MRC2: variants seen among roughly 807,000 people sequenced by gnomAD.
MRC2 encodes the protein C-type mannose receptor 2.
Under a neutral mutation model 206.2 loss-of-function variants are expected in MRC2, and 84 were observed. The ratio of observed to expected loss-of-function variants is 0.41; its 90% CI spans 0.34 to 0.49. MRC2 has a LOEUF of 0.49. Among genes scored for constraint, MRC2 ranks in the 20% least tolerant of loss-of-function variants. The pLI is 0.31. For synonymous variants in MRC2, 798 were observed against 800.0 expected (o/e 1.00, Z 0.04); for missense variants, 1,676 against 2,001.5 (o/e 0.84, Z 3.10).
In MRC2 at chr17:62,692,081, T is replaced by C. The variant is rs1299652409; in HGVS notation, c.4193-31T>C. On this transcript the variant is annotated intron_variant, in intron 28 of 29. Transcript: ENST00000303375. This position sits in a 1 kb window ranked among gnomAD's most constrained non-coding sequence, Gnocchi z 4.2. Reference sequence around the variant, plus strand: ...GTGATTATTACGATGATCACTGCTATTATTAACTGGCCCCCTCCTCTTGCC... The same window carrying C: ...GTGATTATTACGATGATCACTGCTACTATTAACTGGCCCCCTCCTCTTGCC... The C allele has an allele frequency of 6.2e-7, 1 of 1,614,180 alleles. No individual in the cohort carries two copies. The highest frequency in any genetic ancestry group is 8.5e-7 in the Non-Finnish European group (1 of 1,180,018).
Position 62,666,576 on chromosome 17 carries a change from T to G in MRC2, c.816T>G (p.Asp272Glu). The G allele has an allele frequency of 6.2e-7, 1 of 1,609,448 alleles. No homozygotes were observed. The highest frequency in any genetic ancestry group is 1.1e-5 in the South Asian group (1 of 90,330). The change falls in exon 4 of 30, where the codon GAT becomes GAG. Residue 272 changes from aspartate (D) to glutamate (E), a missense_variant. This residue lies in a region of MRC2 where 1,354 missense variants were observed against 1,636.6 expected (regional missense o/e 0.83). Coordinates refer to ENST00000303375, the MANE Select transcript of MRC2 (RefSeq NM_006039.5). This position sits in a 1 kb window ranked among gnomAD's most constrained non-coding sequence, Gnocchi z 5.0. Reference protein sequence around the residue: ...AWASCEQQGADLLSITEIHEQ... With the variant: ...AWASCEQQGAELLSITEIHEQ... ...CCAGCTGCGAGCAGCAGGGTGCGGA[T>G]CTGCTGAGCATCACGGAGATCCACG...
chr17:62,636,925 ACT>A (rs2088328650), intron 1 of MRC2, among the ~76,000 whole-genome samples: 3 of 148,896 alleles, frequency 2.0e-5, no homozygotes, highest in South Asian at 2.1e-4. Context: ...ACTTTTGAAA[ACT>A]CTCTTCCCCC....
At chr17:62,686,989 G>A (rs2089039886) in intron 20 of MRC2, among the ~76,000 whole-genome samples, 1 of 152,158 alleles carries the variant, frequency 6.6e-6, no homozygotes, top group Non-Finnish European at 1.5e-5. Context: ...TGCCTACTGT[G>A]TCATGTACTG....
rs10640837 is a variant in MRC2, at chr17:62,672,991, C to CAA, written c.1461+851_1461+852dup. 0.05 allele frequency among the ~76,000 whole-genome samples: 7,100 copies of CAA among 143,334 alleles called. 522 individuals are homozygous for CAA. Among genetic ancestry groups the CAA allele is most frequent in the African/African-American group, 0.16 (6,311 of 38,380 alleles). The allele number at this position is 143,334 out of a possible 152,430, so 94.0% of individuals were successfully genotyped here. A position where few individuals can be genotyped will look rare whatever the true frequency, so the allele number is the denominator to read the frequency against. Reference sequence around the variant, plus strand: ...TGGGTGACAGAGCAAGACCCTGTCTCAAAAAAAAAAAAATAAAATAAAAAG... The same window carrying CAA: ...TGGGTGACAGAGCAAGACCCTGTCTCAAAAAAAAAAAAAAATAAAATAAAAAG... On this transcript the variant is annotated intron_variant, in intron 8 of 29. Coordinates refer to ENST00000303375, the MANE Select transcript of MRC2 (RefSeq NM_006039.5). This position sits in a 1 kb window ranked among gnomAD's most constrained non-coding sequence, Gnocchi z 4.5.
chr17:62,666,682 T>C lies in MRC2; in HGVS notation c.859+63T>C, dbSNP rs527564493. 14 of 1,554,728 alleles carry C rather than the reference T, an allele frequency of 9.0e-6. No individual in the cohort carries two copies. Among genetic ancestry groups the C allele is most frequent in the South Asian group, 3.6e-5 (3 of 83,728 alleles). ...GGCCCGGGCCCTTTCCGCTTGTGGGTTGGGGAGAGGGCGATGGGGAGCGGG... is the reference window on the plus strand; with the variant it reads ...GGCCCGGGCCCTTTCCGCTTGTGGGCTGGGGAGAGGGCGATGGGGAGCGGG... On this transcript the variant is annotated intron_variant, in intron 4 of 29. Transcript: ENST00000303375. The surrounding 1 kb of genome is among the most constrained non-coding windows in gnomAD (Gnocchi z 5.0).
intron 1 of MRC2, among the ~76,000 whole-genome samples, chr17:62,635,141 T>G (rs918508001): frequency 6.6e-6 from 1 of 151,878 alleles, no homozygotes; most frequent in African/African-American, 2.4e-5. Flanking sequence ...CCATTGTTTT[T>G]TTTTTAAATT....
intron 20 of MRC2, chr17:62,683,874 A>T (rs1268218429): frequency 1.3e-5 from 2 of 152,124 alleles, no homozygotes; most frequent in Non-Finnish European, 2.9e-5. Context: ...CCAAAAAAAA[A>T]AAAGATCAAT....
chr17:62,629,008 C>T (rs2084194181), intron 1 of MRC2, among the ~76,000 whole-genome samples: 1 of 152,186 alleles, frequency 6.6e-6, no homozygotes, highest in South Asian at 2.1e-4. Flanking sequence ...GTGACGTAGG[C>T]ACAAGACACA....
chr17:62,687,636 A>G (rs1459288784), intron 20 of MRC2, among the ~76,000 whole-genome samples: 1 of 152,250 alleles, frequency 6.6e-6, no homozygotes, highest in African/African-American at 2.4e-5. Context: ...AAAATTACAG[A>G]GTTAGAAGCT....
chr17:62,660,826 C>T (rs2088671048), intron 1 of MRC2, among the ~76,000 whole-genome samples: 2 of 152,038 alleles, frequency 1.3e-5, no homozygotes, highest in South Asian at 4.1e-4. Flanking sequence ...CAATGTCCAG[C>T]ATATAATAAA....
Position 62,690,956 on chromosome 17 carries a change from T to C in MRC2, c.4020T>C (p.Thr1340=). The C allele has an allele frequency of 6.2e-7, 1 of 1,600,924 alleles. No homozygotes were observed. Among genetic ancestry groups the C allele is most frequent in the Admixed American group, 1.7e-5 (1 of 57,426 alleles). The change falls in exon 28 of 30, where the codon ACT becomes ACC. Residue 1340 remains threonine (T), a synonymous_variant. Transcript: ENST00000303375. Reference sequence around the variant, plus strand: ...GTGCCTTCTTTCCTGCAGGAGGCACTCTGGTCTGGCAGGACAACACAGCTG... The same window carrying C: ...GTGCCTTCTTTCCTGCAGGAGGCACCCTGGTCTGGCAGGACAACACAGCTG... ...LGMNFNPKGG[T]LVWQDNTAVN...
Position 62,666,773 on chromosome 17 carries a change from CA to C in MRC2, c.877del (p.Ser293AlafsTer8). On this transcript the variant is annotated frameshift_variant, in exon 5 of 30. Coordinates refer to ENST00000303375, the MANE Select transcript of MRC2 (RefSeq NM_006039.5). LOFTEE classifies it high-confidence loss of function. The surrounding 1 kb of genome is among the most constrained non-coding windows in gnomAD (Gnocchi z 5.0). ...TGCTGTCAGGCCTCCTCACTGGGTACAGCTCCACCCTGTGGATCGGCTTGAA... is the reference window on the plus strand; with the variant it reads ...TGCTGTCAGGCCTCCTCACTGGGTACGCTCCACCCTGTGGATCGGCTTGAA... ...TYINGLLTGY[S>X]STLWIGLNDL... 2 of 1,613,768 alleles carry C rather than the reference CA, an allele frequency of 1.2e-6. No individual in the cohort carries two copies. The highest frequency in any genetic ancestry group is 1.7e-6 in the Non-Finnish European group (2 of 1,179,918).
At position 62,664,428 on chromosome 17, in the gene MRC2, A is replaced by G. The variant is rs1292527023; in HGVS notation, c.119-120A>G. Reference sequence around the variant, plus strand: ...TAGTGAGTACCGAGTGATTTAACGTATGAGTGACGGCTCACCATCCTGCAC... The same window carrying G: ...TAGTGAGTACCGAGTGATTTAACGTGTGAGTGACGGCTCACCATCCTGCAC... On this transcript the variant is annotated intron_variant, in intron 1 of 29. Transcript: ENST00000303375. The surrounding 1 kb of genome is among the most constrained non-coding windows in gnomAD (Gnocchi z 4.7). 9.7e-6 allele frequency: 11 copies of G among 1,134,564 alleles called. No homozygotes were observed. Among genetic ancestry groups the G allele is most frequent in the Non-Finnish European group, 6.3e-6 (5 of 795,094 alleles). The allele number at this position is 1,134,564 out of a possible 1,614,324, so 70.3% of individuals were successfully genotyped here. A position where few individuals can be genotyped will look rare whatever the true frequency, so the allele number is the denominator to read the frequency against.
chr17:62,675,935 C>G lies in MRC2; in HGVS notation c.1685+30C>G. On this transcript the variant is annotated intron_variant, in intron 10 of 29. Transcript: ENST00000303375. This position sits in a 1 kb window ranked among gnomAD's most constrained non-coding sequence, Gnocchi z 4.1. ...AGCAGGGGCGGGTGCCCTGACTAGC[C>G]CTTGCCCATGTCTGGGCCTATTGTG... 6.3e-7 allele frequency: 1 copy of G among 1,582,526 alleles called. No homozygotes were observed. Among genetic ancestry groups the G allele is most frequent in the Non-Finnish European group, 8.7e-7 (1 of 1,151,698 alleles).
rs2088924833 is a variant in MRC2 at position 62,678,717 on chromosome 17, C to G, written c.2195+71C>G. The G allele has an allele frequency of 9.6e-6, 15 of 1,567,346 alleles. No homozygotes were observed. In the East Asian group the frequency reaches 1.2e-4, roughly 12 times the overall value. ...GTAGGAGCAGGCATGGCCGACAGAC[C>G]CTTGGTTTTGTTGGGCGAGCAGGGG... On this transcript the variant is annotated intron_variant, in intron 13 of 29. Coordinates refer to ENST00000303375, the MANE Select transcript of MRC2 (RefSeq NM_006039.5).
rs75438322 is a variant in MRC2, at chr17:62,640,337, G to A, written c.118+12417G>A. 5.3e-3 allele frequency among the ~76,000 whole-genome samples: 809 copies of A among 152,006 alleles called. 10 individuals are homozygous for A. The highest frequency in any genetic ancestry group is 0.019 in the African/African-American group (775 of 41,420). On this transcript the variant is annotated intron_variant, in intron 1 of 29. Coordinates refer to ENST00000303375, the MANE Select transcript of MRC2 (RefSeq NM_006039.5). ...TCAGTTAATTGGTGTCTTTGTTTTT[G>A]TTTTCTTTCCTGAACATTGAAAACG...
At chr17:62,677,185 C>A in intron 11 of MRC2, 84 bp from the exon 12 acceptor site, 3 of 1,180,324 alleles carry the variant, frequency 2.5e-6, no homozygotes, top group Non-Finnish European at 3.5e-6. Context: ...GTGTGAGGGC[C>A]GTGCTAGTGC....
chr17:62,642,993 G>A (rs1381749284), intron 1 of MRC2, among the ~76,000 whole-genome samples: 1 of 152,096 alleles, frequency 6.6e-6, no homozygotes, highest in Non-Finnish European at 1.5e-5. Flanking sequence ...TTCACAAACT[G>A]AGCCAGACGC....
Position 62,666,238 on chromosome 17 carries a change from A to T in MRC2, c.665A>T (p.Asp222Val). ...GCCACCACCCAGGACTACGGCAAAG[A>T]CGAGCGCTGGGGCTTCTGCCCCATC... ...WCATTQDYGK[D>V]ERWGFCPIKS... The change falls in exon 3 of 30, where the codon GAC (aspartate) becomes GTC (valine). Residue 222 changes from aspartate to valine, a missense_variant. Transcript: ENST00000303375. The surrounding 1 kb of genome is among the most constrained non-coding windows in gnomAD (Gnocchi z 5.0). 1 of 1,595,022 alleles carries T rather than the reference A, an allele frequency of 6.3e-7. No individual in the cohort carries two copies. Among genetic ancestry groups the T allele is most frequent in the Non-Finnish European group, 8.5e-7 (1 of 1,171,424 alleles).
Sources: gnomAD v4.1 joint callset for allele counts (sites outside exome capture counted in the v4.1 genomes callset) on GRCh38, gnomAD v4.1.1 for gene constraint, gnomAD v4.1.1 regional missense constraint, Gnocchi (gnomAD v3.1) non-coding constraint, MANE v1.5 for transcripts, NCBI Gene and HGNC (gene_info 2026-07-23, HGNC 2026-07-21) for gene names.